Variants in SPMIP2 observed in about 807,000 individuals in gnomAD.
The protein encoded by SPMIP2 is protein SPMIP2.
chr4:158,993,349 AGAGT>A, the SPMIP2 span, among the ~76,000 whole-genome samples: 4 of 152,100 alleles, frequency 2.6e-5, no homozygotes, highest in Non-Finnish European at 2.9e-5. Context: ...CCTGGGCAAC[AGAGT>A]GAGATCCTGT....
the SPMIP2 span, among the ~76,000 whole-genome samples, chr4:158,932,999 ATACTT>A: frequency 6.6e-6 from 1 of 152,126 alleles, no homozygotes; most frequent in African/African-American, 2.4e-5. Context: ...TTTCTTGTTT[ATACTT>A]TATTTATTTA....
At chr4:158,923,069 A>G in the SPMIP2 span, among the ~76,000 whole-genome samples, 1 of 152,242 alleles carries the variant, frequency 6.6e-6, no homozygotes, top group Non-Finnish European at 1.5e-5. Flanking sequence ...TTAGTTGACC[A>G]TAAATGTAAG....
chr4:158,988,852 T>C, the SPMIP2 span, among the ~76,000 whole-genome samples: 1 of 152,124 alleles, frequency 6.6e-6, no homozygotes, highest in Non-Finnish European at 1.5e-5. Context: ...CTCTCACCAC[T>C]CCTATTCAAT....
At chr4:159,033,884 C>T in the SPMIP2 span, among the ~76,000 whole-genome samples, 1 of 152,296 alleles carries the variant, frequency 6.6e-6, no homozygotes, top group East Asian at 1.9e-4. Context: ...CCTGGAATCC[C>T]GACACAGGTG....
the SPMIP2 span, among the ~76,000 whole-genome samples, chr4:158,918,293 C>T: frequency 2.6e-5 from 4 of 152,216 alleles, no homozygotes; most frequent in South Asian, 2.1e-4. Context: ...AGCCTCTTTC[C>T]GCTCCTGCCA....
chr4:158,936,773 G>C, the SPMIP2 span, among the ~76,000 whole-genome samples: 13 of 152,330 alleles, frequency 8.5e-5, no homozygotes, highest in African/African-American at 3.1e-4. Flanking sequence ...GGGCTTTAAA[G>C]ATGTATTTAA....
At chr4:159,020,798 G>A in the SPMIP2 span, among the ~76,000 whole-genome samples, 1 of 152,126 alleles carries the variant, frequency 6.6e-6, no homozygotes, top group Non-Finnish European at 1.5e-5. Flanking sequence ...GTCTCACTCT[G>A]TTGCCCAGGC....
At chr4:158,973,112 G>T in the SPMIP2 span, 4 of 1,605,850 alleles carry the variant, frequency 2.5e-6, no homozygotes, top group South Asian at 3.3e-5. Context: ...GTCTTGATTT[G>T]TTGATAAAAT....
chr4:158,936,613 A>G, the SPMIP2 span, among the ~76,000 whole-genome samples: 1 of 152,250 alleles, frequency 6.6e-6, no homozygotes, highest in Non-Finnish European at 1.5e-5. Flanking sequence ...ATTTGGCAGG[A>G]TCTGTGCTTT....
the SPMIP2 span, among the ~76,000 whole-genome samples, chr4:158,940,012 C>G: frequency 1.3e-5 from 2 of 152,162 alleles, no homozygotes; most frequent in Non-Finnish European, 2.9e-5. Context: ...GGGGGCAAGA[C>G]TACTGTATTA....
chr4:158,901,174 C>G, the SPMIP2 span, among the ~76,000 whole-genome samples: 2 of 138,364 alleles, frequency 1.4e-5, no homozygotes, highest in African/African-American at 5.7e-5. Flanking sequence ...GCTCTGTTGC[C>G]CAGGCTGGAG....
At chr4:158,893,230 T>C in the SPMIP2 span, 2 of 153,346 alleles carry the variant, frequency 1.3e-5, no homozygotes, top group African/African-American at 4.8e-5. Context: ...ACCATGCCAA[T>C]ATTATAAAAT....
At chr4:158,963,695 C>T in the SPMIP2 span, among the ~76,000 whole-genome samples, 2 of 151,756 alleles carry the variant, frequency 1.3e-5, no homozygotes, top group Non-Finnish European at 2.9e-5. Context: ...AGGGATTTTG[C>T]AGATGTAATT....
chr4:158,996,441 A>G, the SPMIP2 span, among the ~76,000 whole-genome samples: 1 of 152,272 alleles, frequency 6.6e-6, no homozygotes, highest in Non-Finnish European at 1.5e-5. Flanking sequence ...CACCATTCAC[A>G]TAGATAGTCT....
At chr4:158,978,669 A>G in the SPMIP2 span, among the ~76,000 whole-genome samples, 1 of 152,180 alleles carries the variant, frequency 6.6e-6, no homozygotes, top group Non-Finnish European at 1.5e-5. Flanking sequence ...ACCACTTTGT[A>G]ATGCCCTTCT....
the SPMIP2 span, among the ~76,000 whole-genome samples, chr4:158,910,224 A>T: frequency 6.6e-6 from 1 of 151,646 alleles, no homozygotes; most frequent in Admixed American, 6.6e-5. Context: ...GGCGATAGTA[A>T]TCAGATATTT....
chr4:159,012,387 C>T, the SPMIP2 span, among the ~76,000 whole-genome samples: 1 of 152,086 alleles, frequency 6.6e-6, no homozygotes, highest in Non-Finnish European at 1.5e-5. Flanking sequence ...ACATCATGAT[C>T]GAAAATACCA....
At chr4:158,978,708 A>C in the SPMIP2 span, among the ~76,000 whole-genome samples, 1 of 152,026 alleles carries the variant, frequency 6.6e-6, no homozygotes, top group Non-Finnish European at 1.5e-5. Context: ...GTTGGTTTAA[A>C]GTCTGTTTTA....
chr4:159,077,948 C>T, the SPMIP2 span, among the ~76,000 whole-genome samples: 1 of 151,700 alleles, frequency 6.6e-6, no homozygotes, highest in Non-Finnish European at 1.5e-5. Flanking sequence ...TTCCAATTAC[C>T]AAAGAGGGGA....
Sources: allele counts gnomAD v4.1 joint callset (sites outside exome capture counted in the v4.1 genomes callset), GRCh38; gene constraint gnomAD v4.1.1; transcripts MANE v1.5; gene names NCBI Gene and HGNC (gene_info 2026-07-23, HGNC 2026-07-21).